The following CTU2 variants were observed in gnomAD, a reference collection of about 807,000 sequenced individuals.
The protein encoded by CTU2 is cytoplasmic tRNA 2-thiolation protein 2.
In CTU2, 80 loss-of-function variants were observed where a neutral mutation model predicts 64.1. That is an observed-to-expected ratio of 1.25 (90% confidence interval 1.04 to 1.50). CTU2 has a LOEUF of 1.50. Among genes scored for constraint, CTU2 ranks in the 40% most tolerant of loss-of-function variants. The pLI is 0.00. For synonymous variants in CTU2, 482 were observed against 285.3 expected, an observed-to-expected ratio of 1.69 and a Z score of -6.95; for missense variants, 1,110 against 690.2, an observed-to-expected ratio of 1.61 and a Z score of -6.81.
chr16:88,707,139 T>C lies in CTU2; in HGVS notation c.72T>C (p.Arg24=). 1.2e-6 allele frequency: 2 copies of C among 1,613,736 alleles called. No individual in the cohort carries two copies. Among genetic ancestry groups the C allele is most frequent in the Non-Finnish European group, 1.7e-6 (2 of 1,179,860 alleles). Residue 24 remains arginine, a synonymous_variant, in exon 2 of 15, where the codon CGT becomes CGC. Transcript: ENST00000453996. ...CTCCCCCCTCCCATCTCCAAAGCCGTGAGCAGAAGTGTGTGAAGTGCAAGG... is the reference window on the plus strand; with the variant it reads ...CTCCCCCCTCCCATCTCCAAAGCCGCGAGCAGAAGTGTGTGAAGTGCAAGG... ...EEPPPAPRPS[R]EQKCVKCKEA...
chr16:88,708,242 C>G (rs984287491), intron 2 of CTU2, among the ~76,000 whole-genome samples: 1 of 152,210 alleles, frequency 6.6e-6, no homozygotes, highest in African/African-American at 2.4e-5. Flanking sequence ...AGGGCTTTTG[C>G]TGTGCTTGCT....
intron 5 of CTU2, 123 bp from the exon 6 acceptor site, chr16:88,712,151 C>G (rs1005052624): frequency 7.0e-6 from 6 of 855,794 alleles, no homozygotes; most frequent in Non-Finnish European, 1.2e-5. Context: ...CCCCACAGCT[C>G]CGCCAGGAAG....
chr16:88,715,367 T>C lies in CTU2; in HGVS notation c.*116T>C. On this transcript the variant is annotated 3_prime_UTR_variant, in exon 15 of 15. Transcript: ENST00000453996. ...ATTGTCCATTTGTATAAATAAAACATTTTTTAATTAAAAAAAAAACTCTAC... is the reference window on the plus strand; with the variant it reads ...ATTGTCCATTTGTATAAATAAAACACTTTTTAATTAAAAAAAAAACTCTAC... 1.7e-6 allele frequency: 2 copies of C among 1,206,566 alleles called. No individual in the cohort carries two copies. Among genetic ancestry groups the C allele is most frequent in the Non-Finnish European group, 2.3e-6 (2 of 878,298 alleles). The allele number at this position is 1,206,566 out of a possible 1,614,324, so 74.7% of individuals were successfully genotyped here. A position where few individuals can be genotyped will look rare whatever the true frequency, so the allele number is the denominator to read the frequency against.
Position 88,712,771 on chromosome 16 carries a change from A to G in CTU2, c.603A>G (p.Glu201=). ...GTCCTGGCCCGACTCAAGGGGAGGA[A>G]CAGCCACCCCAGCCCCCGCTGGACC... is the stretch of plus-strand genomic sequence containing the variant. The part of the protein sequence containing the change: ...GGGPGPTQGE[E]QPPQPPLDPQ... The change falls in exon 7 of 15, where the codon GAA becomes GAG. Residue 201 remains glutamate, a synonymous_variant. Transcript: ENST00000453996. The G allele has an allele frequency of 6.2e-7, 1 of 1,608,378 alleles. No homozygotes were observed. The highest frequency in any genetic ancestry group is 8.5e-7 in the Non-Finnish European group (1 of 1,178,184).
Position 88,713,404 on chromosome 16 carries a change from C to G in CTU2, c.830C>G (p.Thr277Ser), listed in dbSNP as rs772980100. 1 of 1,602,802 alleles carries G rather than the reference C, an allele frequency of 6.2e-7. No homozygotes were observed. Among genetic ancestry groups the G allele is most frequent in the Non-Finnish European group, 8.5e-7 (1 of 1,176,754 alleles). Residue 277 changes from threonine to serine, a missense_variant, in exon 8 of 15, where the codon ACC (threonine) becomes AGC (serine). By Grantham distance (58) the Thr-to-Ser change is moderately conservative. Coordinates refer to ENST00000453996, the MANE Select transcript of CTU2 (RefSeq NM_001012759.3). ...SCTRLAIKLM[T>S]NLALGRGAFL... ...ACACGCTTGGCTATCAAGCTCATGA[C>G]CAACCTGGCGCTGGGTCGAGGGGCC...
Position 88,712,334 on chromosome 16 carries a change from C to G in CTU2, c.404C>G (p.Pro135Arg), listed in dbSNP as rs144903142. Residue 135 changes from proline to arginine, a missense_variant, in exon 6 of 15, where the codon CCC becomes CGC. Transcript: ENST00000453996. ...TCAAAGACCCTGGCCGAAGTGAAGC[C>G]CATTCTGCAAGCAACTGGGTTCCCA... ...ERSKTLAEVK[P>R]ILQATGFPWH... 278 of 1,610,870 alleles carry G rather than the reference C, an allele frequency of 1.7e-4. No homozygotes were observed. In the African/African-American group the frequency reaches 3.6e-3, roughly 21 times the overall value.
chr16:88,710,766 G>C (rs1228987066), intron 4 of CTU2: 2 of 164,682 alleles, frequency 1.2e-5, no homozygotes, highest in Non-Finnish European at 2.6e-5. Context: ...TGTGTGACCC[G>C]AGGGAAGATT....
intron 9 of CTU2, 148 bp from the exon 10 acceptor site, chr16:88,713,988 G>A: frequency 1.9e-6 from 2 of 1,029,222 alleles, no homozygotes; most frequent in South Asian, 1.4e-5. Flanking sequence ...TGCTGAAGCG[G>A]GTTCTCTGGC....
At chr16:88,708,881 A>T (rs1911108360) in intron 2 of CTU2, 1 of 152,192 alleles carries the variant, frequency 6.6e-6, no homozygotes, top group Non-Finnish European at 1.5e-5. Context: ...TCACCCCTAG[A>T]CAATTTGACT....
In CTU2 at chr16:88,714,694, G is replaced by A; in HGVS notation, c.1309G>A (p.Gly437Arg). ...ACCCCCGGGGCCCTGCTGTTCTCCAGGGGTGGGCTGGGCCCAGCGCTGTGG... is the reference window on the plus strand; with the variant it reads ...ACCCCCGGGGCCCTGCTGTTCTCCAAGGGTGGGCTGGGCCCAGCGCTGTGG... The part of the protein sequence containing the change: ...RTPPGPCCSP[G>R]VGWAQRCGQG... Residue 437 changes from glycine (G) to arginine (R), a missense_variant, in exon 12 of 15, where the codon GGG (glycine) becomes AGG (arginine). By Grantham distance (125) the Gly-to-Arg change is moderately radical. Transcript: ENST00000453996. The A allele has an allele frequency of 6.2e-7, 1 of 1,611,672 alleles. No homozygotes were observed. Among genetic ancestry groups the A allele is most frequent in the Non-Finnish European group, 8.5e-7 (1 of 1,179,456 alleles).
intron 3 of CTU2, 83 bp downstream of exon 3, chr16:88,710,099 T>C: frequency 1.3e-6 from 2 of 1,570,098 alleles, no homozygotes; most frequent in South Asian, 2.2e-5. Context: ...CAGCCTGGCC[T>C]GCTGCAGCCC....
intron 9 of CTU2, 49 bp from the exon 10 acceptor site, chr16:88,714,087 G>A (rs769555461): frequency 1.3e-6 from 2 of 1,568,904 alleles, no homozygotes; most frequent in South Asian, 2.2e-5. Flanking sequence ...GCCCCAGCCT[G>A]GGGCTGGCCT....
Position 88,707,123 on chromosome 16 carries a change from C to A in CTU2, c.69-13C>A, listed in dbSNP as rs780443303. 6 of 1,613,076 alleles carry A rather than the reference C, an allele frequency of 3.7e-6. No homozygotes were observed. Among genetic ancestry groups the A allele is most frequent in the Middle Eastern group, 1.7e-4 (1 of 6,058 alleles). ...TCTGTGTTTCTCTCTTCTCCCCCCT[C>A]CCATCTCCAAAGCCGTGAGCAGAAG... On this transcript the variant is annotated splice_polypyrimidine_tract_variant and intron_variant, in intron 1 of 14. Coordinates refer to ENST00000453996, the MANE Select transcript of CTU2 (RefSeq NM_001012759.3).
At position 88,713,425 on chromosome 16, in the gene CTU2, G is replaced by A. The variant is rs943165797; in HGVS notation, c.851G>A (p.Gly284Glu). Residue 284 changes from glycine to glutamate, a missense_variant, in exon 8 of 15, where the codon GGG (glycine) becomes GAG (glutamate). Transcript: ENST00000453996. ...KLMTNLALGR[G>E]AFLAWDTGFS... ...ATGACCAACCTGGCGCTGGGTCGAG[G>A]GGCCTTCCTGGCCTGGGATACGGTA... 2 of 1,589,366 alleles carry A rather than the reference G, an allele frequency of 1.3e-6. No individual in the cohort carries two copies. The highest frequency in any genetic ancestry group is 2.7e-5 in the African/African-American group (2 of 73,484).
chr16:88,708,210 A>G (rs1468260732), intron 2 of CTU2, among the ~76,000 whole-genome samples: 2 of 152,202 alleles, frequency 1.3e-5, no homozygotes, highest in Non-Finnish European at 2.9e-5. Context: ...CTGTGGCTGT[A>G]TGCTAGGCCC....
intron 5 of CTU2, chr16:88,712,025 G>T (rs1387426164): frequency 2.6e-6 from 1 of 385,044 alleles, no homozygotes; most frequent in Non-Finnish European, 5.5e-6. Flanking sequence ...GTGAGCGGGG[G>T]CCCAGGGGCC....
chr16:88,715,082 C>A lies in CTU2; in HGVS notation c.1454C>A (p.Ala485Asp), dbSNP rs1911841949. 1.3e-6 allele frequency: 2 copies of A among 1,576,778 alleles called. No homozygotes were observed. Among genetic ancestry groups the A allele is most frequent in the Non-Finnish European group, 8.6e-7 (1 of 1,159,948 alleles). Residue 485 changes from alanine to aspartate, a missense_variant, in exon 14 of 15, where the codon GCT becomes GAT. By Grantham distance (126) the Ala-to-Asp change is moderately radical. Coordinates refer to ENST00000453996, the MANE Select transcript of CTU2 (RefSeq NM_001012759.3). Reference protein sequence around the residue: ...SLDPLPPYILAEAQLRTQRAW... With the variant: ...SLDPLPPYILDEAQLRTQRAW... ...GACCCCCTGCCGCCGTACATCCTGG[C>A]TGAGGCCCAGCTCCGCACACAGAGG...
Position 88,706,554 on chromosome 16 carries a change from C to CGGGGAGCCGGCGCCT in CTU2, c.26_40dup (p.Gly9_Pro13dup). On this transcript the variant is annotated inframe_insertion, in exon 1 of 15. Transcript: ENST00000453996. ...CCATGTGTCAGGTGGGCGAGGACTACGGGGAGCCGGCGCCTGAGGAGCCGC... is the reference window on the plus strand; with the variant it reads ...CCATGTGTCAGGTGGGCGAGGACTACGGGGAGCCGGCGCCTGGGGAGCCGGCGCCTGAGGAGCCGC... 2 of 1,459,450 alleles carry CGGGGAGCCGGCGCCT rather than the reference C, an allele frequency of 1.4e-6. No homozygotes were observed. Among genetic ancestry groups the CGGGGAGCCGGCGCCT allele is most frequent in the Non-Finnish European group, 9.0e-7 (1 of 1,112,682 alleles). 90.4% of individuals were successfully genotyped at this position (1,459,450 alleles called of 1,614,324 possible). A position where few individuals can be genotyped will look rare whatever the true frequency, so the allele number is the denominator to read the frequency against.
chr16:88,713,460 C>G lies in CTU2; in HGVS notation c.873+13C>G, dbSNP rs1911537885. On this transcript the variant is annotated intron_variant, in intron 8 of 14. Coordinates refer to ENST00000453996, the MANE Select transcript of CTU2 (RefSeq NM_001012759.3). ...GGCCTGGGATACGGTAGGCAGGGGC[C>G]TGGGTGTTCAGGAGGCCCATCCTCA... 6 of 1,568,560 alleles carry G rather than the reference C, an allele frequency of 3.8e-6. No homozygotes were observed. Among genetic ancestry groups the G allele is most frequent in the East Asian group, 2.3e-5 (1 of 43,990 alleles).
Sources: allele counts gnomAD v4.1 joint callset (sites outside exome capture counted in the v4.1 genomes callset), GRCh38; gene constraint gnomAD v4.1.1; transcripts MANE v1.5; gene names NCBI Gene and HGNC (gene_info 2026-07-23, HGNC 2026-07-21).